Variants in ROBO1 observed in about 807,000 individuals in gnomAD.
ROBO1 encodes roundabout guidance receptor 1, also known as roundabout homolog 1.
In ROBO1, 149 loss-of-function variants were observed where a neutral mutation model predicts 195.9. The observed-to-expected ratio is 0.76, with a 90% confidence interval of 0.67 to 0.87. ROBO1 has a LOEUF of 0.87. Ranked by LOEUF, ROBO1 falls within the 40% of genes least tolerant of loss-of-function variation. The pLI is 0.00. For synonymous variants in ROBO1, 816 were observed against 733.2 expected (o/e 1.11, Z -1.82); for missense variants, 1,933 against 2,068.3 (o/e 0.93, Z 1.27).
At chr3:79,008,006 G>C (rs940074570) in intron 3 of ROBO1, among the ~76,000 whole-genome samples, 1 of 152,172 alleles carries the variant, frequency 6.6e-6, no homozygotes, top group African/African-American at 2.4e-5. Flanking sequence ...AGATTTTTCA[G>C]ATCACCACTC....
chr3:79,213,127 C>A (rs905489618), intron 2 of ROBO1, among the ~76,000 whole-genome samples: 1 of 151,932 alleles, frequency 6.6e-6, no homozygotes, highest in Non-Finnish European at 1.5e-5. Context: ...ACCTGTAGTC[C>A]CAGCTACACT....
chr3:78,638,456 AT>A (rs1705697571), intron 22 of ROBO1, among the ~76,000 whole-genome samples: 1 of 151,794 alleles, frequency 6.6e-6, no homozygotes, highest in Non-Finnish European at 1.5e-5. Context: ...GTAGATTATT[AT>A]TATTTTTGCT....
chr3:79,576,970 C>G (rs1237088611), intron 2 of ROBO1, among the ~76,000 whole-genome samples: 1 of 152,130 alleles, frequency 6.6e-6, no homozygotes, highest in Non-Finnish European at 1.5e-5. Flanking sequence ...ATTGGCCCAC[C>G]TATCCTCATC....
Position 78,627,486 on chromosome 3 carries a change from C to T in ROBO1, c.3710G>A (p.Arg1237Gln), listed in dbSNP as rs375929382. 80 of 1,612,970 alleles carry T rather than the reference C, an allele frequency of 5.0e-5. No homozygotes were observed. In the African/African-American group the frequency reaches 8.5e-4, roughly 17 times the overall value. Residue 1237 changes from arginine (R) to glutamine (Q), a missense_variant, in exon 26 of 31, where the codon CGA becomes CAA. Coordinates refer to ENST00000464233, the MANE Select transcript of ROBO1 (RefSeq NM_002941.4). Reference protein sequence around the residue: ...QDELEEEEDERGPTPPVRGAA... With the variant: ...QDELEEEEDEQGPTPPVRGAA... ...TCCCCGAACAGGGGGAGTGGGGCCT[C>T]GTTCATCTTCCTCCTCTTCTAATTC...
At chr3:79,407,924 G>T (rs187197373) in intron 2 of ROBO1, among the ~76,000 whole-genome samples, 3 of 152,112 alleles carry the variant, frequency 2.0e-5, no homozygotes, top group Non-Finnish European at 2.9e-5. Flanking sequence ...CCATATGATT[G>T]TGGGGGTTCT....
At chr3:79,087,595 C>T (rs1361641917) in intron 3 of ROBO1, among the ~76,000 whole-genome samples, 1 of 151,444 alleles carries the variant, frequency 6.6e-6, no homozygotes, top group East Asian at 1.9e-4. Context: ...TTCTTCCCCG[C>T]TTTCTCTCTC....
chr3:79,755,680 G>A (rs952793784), intron 1 of ROBO1, among the ~76,000 whole-genome samples: 3 of 152,120 alleles, frequency 2.0e-5, no homozygotes, highest in African/African-American at 4.8e-5. Flanking sequence ...AAAAACAAGA[G>A]GATGTGACTG....
At chr3:78,617,592 T>TTGAG (rs1559651175) in intron 27 of ROBO1, 43 bp downstream of exon 27, 1 of 1,550,590 alleles carries the variant, frequency 6.4e-7, no homozygotes. Context: ...CATATATACA[T>TTGAG]TGAGTTTTCT....
intron 8 of ROBO1, among the ~76,000 whole-genome samples, chr3:78,706,030 GCA>G (rs944607514): frequency 5.7e-5 from 8 of 139,174 alleles, no homozygotes; most frequent in African/African-American, 1.9e-4. Flanking sequence ...GACTAACAAA[GCA>G]AAGTCAGCAA....
intron 4 of ROBO1, among the ~76,000 whole-genome samples, chr3:78,870,969 C>T (rs144367280): frequency 6.6e-6 from 1 of 152,078 alleles, no homozygotes; most frequent in African/African-American, 2.4e-5. Flanking sequence ...TTTTAAAGGG[C>T]AAGTAATATA....
intron 2 of ROBO1, among the ~76,000 whole-genome samples, chr3:79,325,704 C>T (rs1027360335): frequency 4.6e-5 from 7 of 152,250 alleles, no homozygotes; most frequent in East Asian, 1.9e-4. Flanking sequence ...CTTATCACTT[C>T]CCCAAGTGAT....
At chr3:78,910,451 T>C (rs1373931904) in intron 4 of ROBO1, among the ~76,000 whole-genome samples, 2 of 151,900 alleles carry the variant, frequency 1.3e-5, no homozygotes, top group South Asian at 4.1e-4. Context: ...TGTTTTACTG[T>C]TTCTAATCCT....
intron 1 of ROBO1, among the ~76,000 whole-genome samples, chr3:79,688,261 C>T (rs1271697160): frequency 6.6e-6 from 1 of 150,838 alleles, no homozygotes. Context: ...GGAGATATAC[C>T]TAATGTAAAT....
intron 2 of ROBO1, among the ~76,000 whole-genome samples, chr3:79,500,932 TTC>T (rs147188724): frequency 8.6e-5 from 13 of 150,362 alleles, no homozygotes; most frequent in Non-Finnish European, 1.5e-4. Flanking sequence ...CTAACTCTCT[TTC>T]TCTCTCTCTC....
chr3:78,961,235 A>C (rs2041330184), intron 3 of ROBO1, among the ~76,000 whole-genome samples: 1 of 152,152 alleles, frequency 6.6e-6, no homozygotes, highest in Non-Finnish European at 1.5e-5. Context: ...CAACAATTGT[A>C]AATTTTTCAT....
At chr3:79,095,000 A>T (rs572548471) in intron 3 of ROBO1, among the ~76,000 whole-genome samples, 1 of 150,494 alleles carries the variant, frequency 6.6e-6, no homozygotes, top group Non-Finnish European at 1.5e-5. Flanking sequence ...TACTATGACT[A>T]CCATGAATCA....
At position 78,670,286 on chromosome 3, in the gene ROBO1, G is replaced by A. The variant is rs1486833075; in HGVS notation, c.1358C>T (p.Pro453Leu). 6.4e-6 allele frequency: 10 copies of A among 1,564,196 alleles called. No individual in the cohort carries two copies. Among genetic ancestry groups the A allele is most frequent in the Middle Eastern group, 1.7e-4 (1 of 6,026 alleles). The change falls in exon 11 of 31, where the codon CCT (proline) becomes CTT (leucine). Residue 453 changes from proline to leucine, a missense_variant. Around this residue, in one of 3 missense-constraint regions of ROBO1, gnomAD observed 1,737 missense variants for 1,882.5 expected, o/e 0.92. Coordinates refer to ENST00000464233, the MANE Select transcript of ROBO1 (RefSeq NM_002941.4). ...LEVTDVIADRPPPVIRQGPVN... is the reference protein window; with the variant it reads ...LEVTDVIADRLPPVIRQGPVN... ...AGGACCTTGTCGAATAACTGGGGGA[G>A]GCCGATCTGCAATCACTGCCAGAAG...
Position 79,416,998 on chromosome 3 carries a change from A to G in ROBO1, c.88+172826T>C, listed in dbSNP as rs115958480. Among the ~76,000 whole-genome samples, 362 of 152,286 alleles carry G rather than the reference A, an allele frequency of 2.4e-3. 3 individuals are homozygous for G. Among genetic ancestry groups the G allele is most frequent in the African/African-American group, 8.4e-3 (351 of 41,582 alleles). On this transcript the variant is annotated intron_variant, in intron 2 of 30. Transcript: ENST00000464233. ...TAACAAACAAACTCTGACGTTTGAGAGGATAAAATACTTTTCCAACATTAA... is the reference window on the plus strand; with the variant it reads ...TAACAAACAAACTCTGACGTTTGAGGGGATAAAATACTTTTCCAACATTAA...
intron 1 of ROBO1, among the ~76,000 whole-genome samples, chr3:79,683,291 G>A (rs1236686821): frequency 6.6e-6 from 1 of 151,904 alleles, no homozygotes; most frequent in Non-Finnish European, 1.5e-5. Context: ...CATGCGATAA[G>A]ATGCCAACAT....
Sources: allele counts gnomAD v4.1 joint callset (sites outside exome capture counted in the v4.1 genomes callset), GRCh38; gene constraint gnomAD v4.1.1; regional missense constraint gnomAD v4.1.1; transcripts MANE v1.5; gene names NCBI Gene and HGNC (gene_info 2026-07-23, HGNC 2026-07-21).